Variants in IL2RB observed in about 807,000 individuals in gnomAD.
The protein encoded by IL2RB is interleukin-2 receptor subunit beta.
IL2RB carries 17 observed loss-of-function variants against 44.2 expected under a neutral mutation model. The ratio of observed to expected loss-of-function variants is 0.38; its 90% CI spans 0.26 to 0.58. IL2RB has a LOEUF of 0.58. Among genes scored for constraint, IL2RB ranks in the 20% least tolerant of loss-of-function variants. The probability of loss-of-function intolerance (pLI) is 0.63; values close to 1 mark genes in which losing one functional copy is unlikely to be tolerated. For synonymous variants in IL2RB, 286 were observed against 297.9 expected (o/e 0.96, Z 0.41); for missense variants, 624 against 685.5 (o/e 0.91, Z 1.00).
intron 9 of IL2RB, among the ~76,000 whole-genome samples, chr22:37,130,062 C>T (rs1921347475): frequency 2.0e-5 from 3 of 152,260 alleles, no homozygotes; most frequent in Admixed American, 2.0e-4. Flanking sequence ...TGCACACATG[C>T]ACACACGTGC....
rs1476295426 is a variant in IL2RB at position 37,127,991 on chromosome 22, C to A, written c.*105G>T. ...TCCGGGTGGAGAAGTCCAGCTGCAA[C>A]TGGACACTGAGTGTCCTCAGCAGTG... On this transcript the variant is annotated 3_prime_UTR_variant, in exon 10 of 10. Coordinates refer to ENST00000216223, the MANE Select transcript of IL2RB (RefSeq NM_000878.5). The A allele has an allele frequency of 2.1e-6, 2 of 950,422 alleles. No individual in the cohort carries two copies. The highest frequency in any genetic ancestry group is 6.5e-5 in the East Asian group (2 of 30,718). 58.9% of individuals were successfully genotyped at this position (950,422 alleles called of 1,614,324 possible).
chr22:37,140,289 T>C (rs1208972109), intron 4 of IL2RB, among the ~76,000 whole-genome samples: 1 of 3,512 alleles, frequency 2.8e-4, no homozygotes, highest in Non-Finnish European at 1.8e-3. Flanking sequence ...GTAGTCTCAT[T>C]ATTATTATTA....
rs1459969613 is a variant in IL2RB at position 37,136,348 on chromosome 22, G to A, written c.583C>T (p.Leu195=). Residue 195 remains leucine (L), a synonymous_variant, in exon 7 of 10, where the codon CTG becomes TTG. Transcript: ENST00000216223. The stretch of plus-strand genomic sequence containing the variant: ...TGGGTGTCTGGGGTGAGCGTCTCCA[G>A]GCAGATCCATTCCTGCTTCTGCTTG... ...TLKQKQEWIC[L]ETLTPDTQYE... The A allele has an allele frequency of 1.2e-6, 2 of 1,612,826 alleles. No homozygotes were observed. The highest frequency in any genetic ancestry group is 1.7e-6 in the Non-Finnish European group (2 of 1,179,598).
At chr22:37,134,554 C>T (rs1019481826) in intron 8 of IL2RB, among the ~76,000 whole-genome samples, 3 of 152,100 alleles carry the variant, frequency 2.0e-5, no homozygotes, top group African/African-American at 7.2e-5. Flanking sequence ...TGCAGTGAGT[C>T]GAGATTGCGC....
chr22:37,170,865 C>T (rs976676547), intron 1 of IL2RB, among the ~76,000 whole-genome samples: 7 of 152,160 alleles, frequency 4.6e-5, no homozygotes, highest in African/African-American at 7.2e-5. Context: ...ATTCTGGGAG[C>T]GCCTTTCTGT....
chr22:37,140,682 A>ATGATGGT (rs3218285), intron 4 of IL2RB, among the ~76,000 whole-genome samples: 82,412 of 151,326 alleles, frequency 0.54, 24,598 homozygotes, highest in African/African-American at 0.81. Flanking sequence ...ATATAACCTG[A>ATGATGGT]TGGAAGATGT....
At chr22:37,164,371 C>A (rs78113718) in intron 1 of IL2RB, among the ~76,000 whole-genome samples, 1 of 151,902 alleles carries the variant, frequency 6.6e-6, no homozygotes, top group African/African-American at 2.4e-5. Context: ...ATGTGGTCAG[C>A]GGCTTCAGGC....
At chr22:37,158,481 C>G (rs1463520695) in intron 1 of IL2RB, among the ~76,000 whole-genome samples, 1 of 152,070 alleles carries the variant, frequency 6.6e-6, no homozygotes, top group Non-Finnish European at 1.5e-5. Context: ...TCACTTGAAC[C>G]CGGGAGGCAG....
rs191369509 is a variant in IL2RB at position 37,138,173 on chromosome 22, C to T, written c.389-438G>A. ...AGCTTTTCTCTGCACTTACAATTGACCTGAGAGCTTTCCATGGATCATCTC... is the reference window on the plus strand; with the variant it reads ...AGCTTTTCTCTGCACTTACAATTGATCTGAGAGCTTTCCATGGATCATCTC... On this transcript the variant is annotated intron_variant, in intron 5 of 9. Coordinates refer to ENST00000216223, the MANE Select transcript of IL2RB (RefSeq NM_000878.5). 4.1e-4 allele frequency among the ~76,000 whole-genome samples: 62 copies of T among 152,244 alleles called. 1 individual carries two copies. Among genetic ancestry groups the T allele is most frequent in the Admixed American group, 4.1e-3 (62 of 15,294 alleles).
chr22:37,138,755 C>T (rs918020671), intron 5 of IL2RB, among the ~76,000 whole-genome samples: 53 of 152,154 alleles, frequency 3.5e-4, no homozygotes, highest in African/African-American at 1.3e-3. Context: ...AACTAAGCCT[C>T]GAAACGTGAG....
chr22:37,136,526 T>G, intron 6 of IL2RB, 133 bp from the exon 7 acceptor site: 10 of 906,174 alleles, frequency 1.1e-5, no homozygotes, highest in Middle Eastern at 3.5e-4. Flanking sequence ...GCTCCCTCAC[T>G]ACCCAGTTGC....
intron 8 of IL2RB, among the ~76,000 whole-genome samples, chr22:37,132,958 A>G (rs1296433834): frequency 6.6e-6 from 1 of 152,088 alleles, no homozygotes; most frequent in Non-Finnish European, 1.5e-5. Context: ...GGGAGTGGGA[A>G]AGGTGGTGGT....
chr22:37,128,107 G>A lies in IL2RB; in HGVS notation c.1645C>T (p.His549Tyr). ...LQELQGQDPT[H>Y]LV Reference sequence around the variant, plus strand: ...CCCTGGCCATCTGTCTACACCAAGTGAGTTGGGTCCTGACCCTGGAGTTCT... The same window carrying A: ...CCCTGGCCATCTGTCTACACCAAGTAAGTTGGGTCCTGACCCTGGAGTTCT... Residue 549 changes from histidine (H) to tyrosine (Y), a missense_variant, in exon 10 of 10, where the codon CAC becomes TAC. Around this residue, in one of 3 missense-constraint regions of IL2RB, gnomAD observed 291 missense variants for 275.5 expected, o/e 1.06. Transcript: ENST00000216223. This position sits in a 1 kb window ranked among gnomAD's most constrained non-coding sequence, Gnocchi z 4.5. 1 of 1,565,122 alleles carries A rather than the reference G, an allele frequency of 6.4e-7. No individual in the cohort carries two copies. Among genetic ancestry groups the A allele is most frequent in the Non-Finnish European group, 8.6e-7 (1 of 1,161,114 alleles).
At chr22:37,138,070 G>A (rs778736826) in intron 5 of IL2RB, among the ~76,000 whole-genome samples, 8 of 152,206 alleles carry the variant, frequency 5.3e-5, no homozygotes, top group African/African-American at 1.9e-4. Context: ...GCAGGGACTT[G>A]GTTGTCTGCT....
intron 4 of IL2RB, among the ~76,000 whole-genome samples, chr22:37,140,714 C>T (rs1601601157): frequency 6.6e-6 from 1 of 152,100 alleles, no homozygotes; most frequent in South Asian, 2.1e-4. Flanking sequence ...CCTTGGAGCC[C>T]GCTGCCGCCC....
In IL2RB at chr22:37,126,003, C is replaced by T. The variant is rs1410449922; in HGVS notation, c.*2093G>A. ...AGGAAATAATCACAAAGATGGTACA[C>T]ACGGATCATTAAAAGATACGGATGT... On this transcript the variant is annotated 3_prime_UTR_variant, in exon 10 of 10. Coordinates refer to ENST00000216223, the MANE Select transcript of IL2RB (RefSeq NM_000878.5). The T allele has an allele frequency of 2.6e-5, 4 of 152,108 alleles. No individual in the cohort carries two copies. Among genetic ancestry groups the T allele is most frequent in the Admixed American group, 2.6e-4 (4 of 15,286 alleles). The allele number at this position is 152,108 out of a possible 1,614,324, so 9.4% of individuals were successfully genotyped here. A position where few individuals can be genotyped will look rare whatever the true frequency, so the allele number is the denominator to read the frequency against.
intron 1 of IL2RB, among the ~76,000 whole-genome samples, chr22:37,171,250 T>C (rs12167923): frequency 0.041 from 6,280 of 152,238 alleles, 191 homozygotes; most frequent in Middle Eastern, 0.071. Context: ...CTCAAAGTGC[T>C]GGGATTACAG....
upstream of IL2RB, among the ~76,000 whole-genome samples, chr22:37,153,237 C>A (rs770727733): frequency 2.8e-4 from 42 of 152,086 alleles, no homozygotes; most frequent in Non-Finnish European, 5.3e-4. Flanking sequence ...GCCCAGCCTG[C>A]CACCTCTTCT....
intron 1 of IL2RB, among the ~76,000 whole-genome samples, chr22:37,171,497 A>G (rs229499): frequency 0.015 from 2,285 of 152,348 alleles, 58 homozygotes; most frequent in African/African-American, 0.052. Context: ...TCAGAAAAGA[A>G]AAAATGGGAG....
Sources: allele counts gnomAD v4.1 joint callset (sites outside exome capture counted in the v4.1 genomes callset), GRCh38; gene constraint gnomAD v4.1.1; regional missense constraint gnomAD v4.1.1; non-coding constraint Gnocchi (gnomAD v3.1); transcripts MANE v1.5; gene names NCBI Gene and HGNC (gene_info 2026-07-23, HGNC 2026-07-21).